Variants in CCDC32 observed in about 807,000 individuals in gnomAD.
CCDC32 encodes coiled-coil domain containing 32, also known as coiled-coil domain-containing protein 32.
Under a neutral mutation model 20.1 loss-of-function variants are expected in CCDC32, and 9 were observed. The ratio of observed to expected loss-of-function variants is 0.45; its 90% CI spans 0.27 to 0.78. The LOEUF is 0.78. Among genes scored for constraint, CCDC32 ranks in the 30% least tolerant of loss-of-function variants. The pLI is 0.16. For synonymous variants in CCDC32, 63 were observed against 79.0 expected (o/e 0.80, Z 1.07); for missense variants, 204 against 215.5 (o/e 0.95, Z 0.33).
downstream of CCDC32, among the ~76,000 whole-genome samples, chr15:40,525,305 G>A (rs1894887868): frequency 6.6e-6 from 1 of 152,122 alleles, no homozygotes; most frequent in African/African-American, 2.4e-5. Context: ...TGGGATTACA[G>A]GCGTGAGCCA....
intron 3 of CCDC32, chr15:40,529,692 C>T (rs1468508907): frequency 7.0e-6 from 1 of 142,294 alleles, no homozygotes; most frequent in Non-Finnish European, 1.5e-5. Flanking sequence ...GACGGAGTCT[C>T]GCTCTATCGC....
At chr15:40,539,173 G>T, downstream of CCDC32, 2 of 1,381,320 alleles carry the variant, frequency 1.4e-6, no homozygotes, top group South Asian at 1.2e-5. Context: ...GCTCAAACCT[G>T]ACACCACAGA....
chr15:40,532,986 T>C (rs1888949336), downstream of CCDC32, among the ~76,000 whole-genome samples: 1 of 152,126 alleles, frequency 6.6e-6, no homozygotes, highest in South Asian at 2.1e-4. Context: ...ATTACAGGCA[T>C]GAGCCATTGC....
downstream of CCDC32, among the ~76,000 whole-genome samples, chr15:40,523,802 C>G (rs1894863530): frequency 6.6e-6 from 1 of 152,184 alleles, no homozygotes; most frequent in African/African-American, 2.4e-5. Context: ...ACTACCAAGT[C>G]CTGATGAACA....
At chr15:40,523,725 T>G (rs1894862712), downstream of CCDC32, among the ~76,000 whole-genome samples, 1 of 152,026 alleles carries the variant, frequency 6.6e-6, no homozygotes. Context: ...AATAGCCAAC[T>G]GAGAAATGCA....
Position 40,553,845 on chromosome 15 carries a change from C to T in CCDC32, c.*126G>A. The T allele has an allele frequency of 1.4e-6, 2 of 1,410,422 alleles. No homozygotes were observed. The highest frequency in any genetic ancestry group is 3.3e-5 in the South Asian group (2 of 61,094). The allele number at this position is 1,410,422 out of a possible 1,614,324, so 87.4% of individuals were successfully genotyped here. On this transcript the variant is annotated 3_prime_UTR_variant, in exon 4 of 4. Transcript: ENST00000416810. ...TTGGGTTTTTTCCTTCAGTGGATTTCTCCCTGCTGCTGTCACTGAGCTCCA... is the reference window on the plus strand; with the variant it reads ...TTGGGTTTTTTCCTTCAGTGGATTTTTCCCTGCTGCTGTCACTGAGCTCCA...
At chr15:40,541,578 C>T (rs949835570) in intron 3 of CCDC32, among the ~76,000 whole-genome samples, 8 of 152,158 alleles carry the variant, frequency 5.3e-5, no homozygotes, top group Non-Finnish European at 1.2e-4. Flanking sequence ...GTGATCCACC[C>T]GCCTCAGCCT....
intron 3 of CCDC32, among the ~76,000 whole-genome samples, chr15:40,539,873 C>T (rs936034898): frequency 1.3e-5 from 2 of 151,730 alleles, no homozygotes; most frequent in Non-Finnish European, 2.9e-5. Flanking sequence ...CACACACACA[C>T]ACACACACCC....
intron 2 of CCDC32, among the ~76,000 whole-genome samples, chr15:40,561,677 G>A (rs958450599): frequency 2.0e-5 from 3 of 151,662 alleles, no homozygotes; most frequent in Admixed American, 6.6e-5. Flanking sequence ...GCCAAAAACC[G>A]CTTGTACACC....
rs563204194 is a variant in CCDC32 at position 40,553,668 on chromosome 15, A to G, written c.*303T>C. The stretch of plus-strand genomic sequence containing the variant: ...TCTTTAGCAGACTTCTAACCTGCAG[A>G]GACAGAGCTCAGCCAAGCTGTGAGA... On this transcript the variant is annotated 3_prime_UTR_variant, in exon 4 of 4. Coordinates refer to ENST00000416810, the MANE Select transcript of CCDC32 (RefSeq NM_001080792.4). The G allele has an allele frequency of 1.7e-6, 2 of 1,161,438 alleles. No homozygotes were observed. Among genetic ancestry groups the G allele is most frequent in the East Asian group, 5.3e-5 (1 of 18,876 alleles). The allele number at this position is 1,161,438 out of a possible 1,614,324, so 71.9% of individuals were successfully genotyped here.
downstream of CCDC32, among the ~76,000 whole-genome samples, chr15:40,549,638 T>C (rs1889760216): frequency 6.6e-6 from 1 of 152,230 alleles, no homozygotes; most frequent in Non-Finnish European, 1.5e-5. Context: ...TTTAACACCA[T>C]GCACCATGCC....
chr15:40,541,663 G>A (rs2141612308), intron 3 of CCDC32, among the ~76,000 whole-genome samples: 1 of 152,266 alleles, frequency 6.6e-6, no homozygotes, highest in Middle Eastern at 3.4e-3. Flanking sequence ...AGTGATCCCA[G>A]GGCGACAGCC....
chr15:40,532,140 C>G (rs760538311), downstream of CCDC32: 139 of 540,484 alleles, frequency 2.6e-4, 1 homozygote, highest in Middle Eastern at 9.8e-3. Flanking sequence ...TTTTTCTTCT[C>G]TAGTTTTCAG....
At chr15:40,543,273 G>A (rs1197081613) in intron 3 of CCDC32, among the ~76,000 whole-genome samples, 1 of 152,158 alleles carries the variant, frequency 6.6e-6, no homozygotes, top group East Asian at 1.9e-4. Context: ...TCTGAGGTGT[G>A]ACCAGCTGCA....
downstream of CCDC32, among the ~76,000 whole-genome samples, chr15:40,533,521 A>G (rs1482686738): frequency 2.0e-5 from 3 of 151,586 alleles, no homozygotes; most frequent in Non-Finnish European, 4.4e-5. Flanking sequence ...TAATTTTTGT[A>G]TTTTAGTAGA....
At chr15:40,564,922 C>A in intron 1 of CCDC32, 54 bp downstream of exon 1, 1 of 1,049,292 alleles carries the variant, frequency 9.5e-7, no homozygotes, top group Non-Finnish European at 1.4e-6. Flanking sequence ...ATTCCGGGGC[C>A]GGGCCAGAGT....
chr15:40,562,423 A>G (rs1388342205), intron 2 of CCDC32, among the ~76,000 whole-genome samples: 1 of 152,052 alleles, frequency 6.6e-6, no homozygotes. Flanking sequence ...TACTAAAAAT[A>G]CAAAAAATTA....
intron 1 of CCDC32, among the ~76,000 whole-genome samples, chr15:40,564,264 A>G (rs1262238961): frequency 1.3e-5 from 2 of 152,176 alleles, no homozygotes; most frequent in South Asian, 4.1e-4. Context: ...GTTCAGCCGT[A>G]TGTCTCATGC....
At chr15:40,542,101 C>T (rs1171644360) in intron 3 of CCDC32, among the ~76,000 whole-genome samples, 1 of 152,228 alleles carries the variant, frequency 6.6e-6, no homozygotes, top group Non-Finnish European at 1.5e-5. Context: ...CAACTTTCTA[C>T]ACAATGCAGG....
Sources: allele counts gnomAD v4.1 joint callset (sites outside exome capture counted in the v4.1 genomes callset), GRCh38; gene constraint gnomAD v4.1.1; transcripts MANE v1.5; gene names NCBI Gene and HGNC (gene_info 2026-07-23, HGNC 2026-07-21).